The following CNTNAP5 variants were observed in gnomAD, a reference collection of about 807,000 sequenced individuals.
The protein encoded by CNTNAP5 is contactin associated protein family member 5.
In CNTNAP5, 72 loss-of-function variants were observed where a neutral mutation model predicts 150.2. That is an observed-to-expected ratio of 0.48 (90% CI 0.40 to 0.58). The LOEUF is 0.58. Ranked by LOEUF, CNTNAP5 falls within the 20% of genes least tolerant of loss-of-function variation. CNTNAP5 has a pLI of 0.00. For missense variants in CNTNAP5, 1,636 were observed against 1,626.2 expected, an observed-to-expected ratio of 1.01 and a Z score of -0.10; for synonymous variants, 672 against 619.8, an observed-to-expected ratio of 1.08 and a Z score of -1.25.
Position 124,790,475 on chromosome 2 carries a change from G to T in CNTNAP5, c.2992+334G>T, listed in dbSNP as rs143504724. Among the ~76,000 whole-genome samples, 988 of 152,218 alleles carry T rather than the reference G, an allele frequency of 6.5e-3. 7 individuals carry two copies. The highest frequency in any genetic ancestry group is 0.01 in the Non-Finnish European group (710 of 68,012). ...ATTTCCACTTCCAATCCCTCAGCCCGCAAATGTAATCAAAGAATTGTAGAA... is the reference window on the plus strand; with the variant it reads ...ATTTCCACTTCCAATCCCTCAGCCCTCAAATGTAATCAAAGAATTGTAGAA... On this transcript the variant is annotated intron_variant, in intron 18 of 23. Transcript: ENST00000682447.
rs2104614758 is a variant in CNTNAP5, at chr2:124,025,688, T to G, written c.38T>G (p.Leu13Trp). 3 of 1,613,810 alleles carry G rather than the reference T, an allele frequency of 1.9e-6. No homozygotes were observed. The highest frequency in any genetic ancestry group is 2.5e-6 in the Non-Finnish European group (3 of 1,179,840). ...CCACGGCTGACCAGCGTTTTGACTT[T>G]GCTGTTCTCTGGCTTGTGGCATTTA... ...SLPRLTSVLT[L>W]LFSGLWHLGL... Residue 13 changes from leucine to tryptophan, a missense_variant, in exon 1 of 24, where the codon TTG becomes TGG. Transcript: ENST00000682447.
chr2:124,584,413 A>T (rs572888346), intron 11 of CNTNAP5, among the ~76,000 whole-genome samples: 1 of 152,292 alleles, frequency 6.6e-6, no homozygotes, highest in African/African-American at 2.4e-5. Context: ...ATTTGTATTT[A>T]ATCTGGAAAT....
chr2:124,600,333 G>C (rs1381803358), intron 11 of CNTNAP5, among the ~76,000 whole-genome samples: 2 of 152,104 alleles, frequency 1.3e-5, no homozygotes, highest in Admixed American at 6.5e-5. Flanking sequence ...TAGAAATTAG[G>C]CTAGAAATGA....
chr2:124,645,963 G>A (rs978402761), intron 12 of CNTNAP5, among the ~76,000 whole-genome samples: 2 of 151,994 alleles, frequency 1.3e-5, no homozygotes, highest in African/African-American at 2.4e-5. Context: ...TGTCACTGTC[G>A]CAAAGACAGC....
intron 13 of CNTNAP5, among the ~76,000 whole-genome samples, chr2:124,677,237 C>T (rs573790017): frequency 3.3e-5 from 5 of 152,214 alleles, no homozygotes; most frequent in African/African-American, 9.6e-5. Context: ...TTAAAGGTGG[C>T]GCGTCTGGGG....
chr2:124,169,973 G>A (rs1022471642), intron 1 of CNTNAP5, among the ~76,000 whole-genome samples: 2 of 152,092 alleles, frequency 1.3e-5, no homozygotes, highest in Admixed American at 6.6e-5. Context: ...AAAGAAAATG[G>A]GTAAAGACCA....
At chr2:124,084,841 G>A (rs1396469264) in intron 1 of CNTNAP5, among the ~76,000 whole-genome samples, 1 of 145,596 alleles carries the variant, frequency 6.9e-6, no homozygotes, top group Non-Finnish European at 1.5e-5. Flanking sequence ...ATCTTGAATT[G>A]TTTTGTATAA....
intron 3 of CNTNAP5, among the ~76,000 whole-genome samples, chr2:124,342,685 A>C (rs988926663): frequency 4.6e-5 from 7 of 152,218 alleles, no homozygotes; most frequent in South Asian, 2.1e-4. Context: ...GGGATCAATC[A>C]GGGAGAAAAA....
intron 17 of CNTNAP5, among the ~76,000 whole-genome samples, chr2:124,777,191 C>G (rs966164235): frequency 6.6e-6 from 1 of 151,634 alleles, no homozygotes; most frequent in Non-Finnish European, 1.5e-5. Flanking sequence ...GTCCCTAGCA[C>G]CAGTGATCCA....
At chr2:124,372,503 T>C (rs971302410) in intron 3 of CNTNAP5, among the ~76,000 whole-genome samples, 1 of 152,086 alleles carries the variant, frequency 6.6e-6, no homozygotes, top group Non-Finnish European at 1.5e-5. Flanking sequence ...CTGTTGAAGG[T>C]ATATAATTGT....
chr2:124,811,827 A>G (rs1682229406), intron 19 of CNTNAP5, among the ~76,000 whole-genome samples: 1 of 148,408 alleles, frequency 6.7e-6, no homozygotes. Context: ...CTGTAATCCC[A>G]GCTACTCAGG....
chr2:124,582,691 GT>G (rs35311681), intron 11 of CNTNAP5, among the ~76,000 whole-genome samples: 14 of 151,206 alleles, frequency 9.3e-5, no homozygotes, highest in East Asian at 1.9e-4. Context: ...ATCCATGAAA[GT>G]TTTTTTTTCC....
intron 3 of CNTNAP5, among the ~76,000 whole-genome samples, chr2:124,252,526 G>A (rs968721047): frequency 1.3e-5 from 2 of 152,150 alleles, no homozygotes; most frequent in African/African-American, 2.4e-5. Flanking sequence ...AAAAGCCCTT[G>A]AGTCTTGTTT....
intron 1 of CNTNAP5, among the ~76,000 whole-genome samples, chr2:124,159,433 C>T (rs567604662): frequency 1.3e-5 from 2 of 152,176 alleles, no homozygotes; most frequent in Non-Finnish European, 2.9e-5. Context: ...GGCTGTGTTC[C>T]AATAAAATTT....
chr2:124,167,416 T>A (rs1192521818), intron 1 of CNTNAP5, among the ~76,000 whole-genome samples: 1 of 152,216 alleles, frequency 6.6e-6, no homozygotes, highest in Non-Finnish European at 1.5e-5. Flanking sequence ...CACCAGGAGT[T>A]GTCAAGTAAA....
intron 8 of CNTNAP5, among the ~76,000 whole-genome samples, chr2:124,516,008 G>A (rs1694707177): frequency 6.6e-6 from 1 of 152,108 alleles, no homozygotes; most frequent in Non-Finnish European, 1.5e-5. Context: ...AGAGACAGGA[G>A]GCTGGGAAAA....
chr2:124,538,534 AAGAAAGAAAGAAAGAG>A (rs1193155465), intron 10 of CNTNAP5, among the ~76,000 whole-genome samples: 1 of 149,872 alleles, frequency 6.7e-6, no homozygotes, highest in Non-Finnish European at 1.5e-5. Context: ...GAAAGAAGGA[AAGAAAGAAAGAAAGAG>A]AGAAAGAAAG....
intron 3 of CNTNAP5, among the ~76,000 whole-genome samples, chr2:124,311,214 TG>T (rs1688822559): frequency 6.6e-6 from 1 of 152,210 alleles, no homozygotes; most frequent in Non-Finnish European, 1.5e-5. Context: ...CCACTAGGAT[TG>T]CCATAACAGA....
At chr2:124,819,880 T>TA (rs1682447567) in intron 19 of CNTNAP5, among the ~76,000 whole-genome samples, 1 of 152,192 alleles carries the variant, frequency 6.6e-6, no homozygotes, top group Non-Finnish European at 1.5e-5. Flanking sequence ...GTCTCTTTCT[T>TA]AAAGTTTCTT....
Sources: gnomAD v4.1 joint callset for allele counts (sites outside exome capture counted in the v4.1 genomes callset) on GRCh38, gnomAD v4.1.1 for gene constraint, MANE v1.5 for transcripts, NCBI Gene and HGNC (gene_info 2026-07-23, HGNC 2026-07-21) for gene names.